CORO7: variants seen among roughly 807,000 people sequenced by gnomAD.
The protein encoded by CORO7 is coronin-7.
In CORO7, 107 loss-of-function variants were observed where a neutral mutation model predicts 126.6. The ratio of observed to expected loss-of-function variants is 0.85; its 90% CI spans 0.72 to 0.99. The LOEUF is 0.99. CORO7 is among the 50% of genes least tolerant of loss of function. The pLI is 0.00. For synonymous variants in CORO7, 603 were observed against 536.8 expected, an observed-to-expected ratio of 1.12 and a Z score of -1.70; for missense variants, 1,314 against 1,255.8, an observed-to-expected ratio of 1.05 and a Z score of -0.70.
intron 3 of CORO7, 125 bp downstream of exon 3, chr16:4,412,231 C>T (rs530049899): frequency 2.9e-6 from 3 of 1,024,382 alleles, no homozygotes; most frequent in South Asian, 1.4e-5. Context: ...AGAGAGTGCA[C>T]AGACAGGGCG....
intron 9 of CORO7, among the ~76,000 whole-genome samples, chr16:4,384,845 C>T (rs905705942): frequency 6.6e-6 from 1 of 152,204 alleles, no homozygotes; most frequent in Non-Finnish European, 1.5e-5. Context: ...GCCTGCCTCC[C>T]CCGGCCCGTG....
chr16:4,401,347 G>A (rs940306460), intron 6 of CORO7, among the ~76,000 whole-genome samples: 9 of 152,206 alleles, frequency 5.9e-5, no homozygotes, highest in East Asian at 1.9e-4. Context: ...TGGCAGAGGC[G>A]GGGGCCTGTC....
In CORO7 at chr16:4,381,718, G is replaced by A. The variant is rs2054978428; in HGVS notation, c.785+6268C>T. On this transcript the variant is annotated intron_variant, in intron 9 of 27. Transcript: ENST00000251166. ...CAACCTAAGCCTGCAGGCCCTGCCT[G>A]GCGACCTCTCGGGCCTCTTCCCCCG... 15 of 1,606,870 alleles carry A rather than the reference G, an allele frequency of 9.3e-6. No homozygotes were observed. Among genetic ancestry groups the A allele is most frequent in the Non-Finnish European group, 1.2e-5 (14 of 1,179,426 alleles).
intron 9 of CORO7, among the ~76,000 whole-genome samples, chr16:4,380,163 G>GC (rs932838011): frequency 1.8e-4 from 27 of 151,960 alleles, no homozygotes; most frequent in Non-Finnish European, 2.9e-4. Flanking sequence ...GAGCCCTGTG[G>GC]CCCCCCAGCT....
chr16:4,379,244 C>T (rs769436733), intron 9 of CORO7, among the ~76,000 whole-genome samples: 21 of 152,036 alleles, frequency 1.4e-4, no homozygotes, highest in Non-Finnish European at 2.9e-5. Context: ...GAGCTGCAGG[C>T]GCCACTGGGC....
intron 9 of CORO7, among the ~76,000 whole-genome samples, chr16:4,380,648 C>G (rs1474199381): frequency 6.6e-6 from 1 of 152,142 alleles, no homozygotes; most frequent in East Asian, 1.9e-4. Flanking sequence ...GGATGTCATG[C>G]CCCATGATGA....
At chr16:4,382,462 G>A (rs1043106680) in intron 9 of CORO7, 20 of 1,607,718 alleles carry the variant, frequency 1.2e-5, no homozygotes, top group East Asian at 2.2e-5. Context: ...GCGGCCCAAC[G>A]CCACTTACTC....
intron 1 of CORO7, 76 bp from the exon 2 acceptor site, chr16:4,413,480 G>T: frequency 1.5e-6 from 2 of 1,365,342 alleles, no homozygotes; most frequent in South Asian, 1.3e-5. Context: ...CAAGAGGTGG[G>T]GCATAATCTG....
intron 9 of CORO7, among the ~76,000 whole-genome samples, chr16:4,376,842 A>G (rs1251537648): frequency 6.6e-6 from 1 of 152,154 alleles, no homozygotes; most frequent in Non-Finnish European, 1.5e-5. Flanking sequence ...CCCAGGGTGA[A>G]GGGCAGCCTT....
intron 6 of CORO7, among the ~76,000 whole-genome samples, chr16:4,398,608 G>A (rs2141292417): frequency 6.6e-6 from 1 of 151,460 alleles, no homozygotes; most frequent in South Asian, 2.1e-4. Context: ...GGAGGTTGCA[G>A]TGAACCGAGA....
At chr16:4,360,127 C>T in intron 21 of CORO7, 151 bp downstream of exon 21, 1 of 909,328 alleles carries the variant, frequency 1.1e-6, no homozygotes, top group South Asian at 1.6e-5. Context: ...ATCCACCCAT[C>T]TACCCACTCA....
chr16:4,388,020 C>A lies in CORO7; in HGVS notation c.751G>T (p.Ala251Ser). ...KLWDTRFFSS[A>S]LASLTLDTSL... The stretch of plus-strand genomic sequence containing the variant: ...GTGTCCAAGGTGAGGGAGGCCAGGG[C>A]GCTGGAGAAGAACCGCGTGTCCCAC... The change falls in exon 9 of 28, where the codon GCC becomes TCC. Residue 251 changes from alanine (A) to serine (S), a missense_variant. Coordinates refer to ENST00000251166, the MANE Select transcript of CORO7 (RefSeq NM_024535.5). The A allele has an allele frequency of 2.5e-6, 4 of 1,613,168 alleles. No homozygotes were observed. The South Asian group carries it at 3.3e-5, about 13-fold the overall frequency.
At chr16:4,369,822 T>G (rs1424300799) in intron 9 of CORO7, among the ~76,000 whole-genome samples, 3 of 151,928 alleles carry the variant, frequency 2.0e-5, no homozygotes, top group African/African-American at 7.2e-5. Flanking sequence ...GCTGGAGAGT[T>G]AGTTAGGATC....
rs2055549233 is a variant in CORO7 at position 4,395,447 on chromosome 16, C to T, written c.565-108G>A. The T allele has an allele frequency of 2.1e-6, 3 of 1,455,052 alleles. No homozygotes were observed. The East Asian group carries it at 7.0e-5, about 34-fold the overall frequency. The allele number at this position is 1,455,052 out of a possible 1,614,324, so 90.1% of individuals were successfully genotyped here. ...CCCCCAGCTCTGAGCAGCCCATCCC[C>T]AGCACGCAGGGCTGCCATCACACAC... is the stretch of plus-strand genomic sequence containing the variant. On this transcript the variant is annotated intron_variant, in intron 6 of 27. Coordinates refer to ENST00000251166, the MANE Select transcript of CORO7 (RefSeq NM_024535.5).
chr16:4,406,691 A>C (rs897306696), intron 5 of CORO7, among the ~76,000 whole-genome samples: 1 of 151,706 alleles, frequency 6.6e-6, no homozygotes, highest in African/African-American at 2.4e-5. Flanking sequence ...CAATGGCACG[A>C]TCTCTCTTCG....
At chr16:4,356,675 C>T (rs544081309) in intron 26 of CORO7, 41 of 166,766 alleles carry the variant, frequency 2.5e-4, no homozygotes, top group Middle Eastern at 6.1e-3. Flanking sequence ...TCAAGCAATC[C>T]GCCTGCCTTG....
chr16:4,359,218 T>C, intron 23 of CORO7, 78 bp downstream of exon 23: 2 of 1,463,602 alleles, frequency 1.4e-6, no homozygotes, highest in South Asian at 1.4e-5. Context: ...CACAGGCTCC[T>C]GTACTTGCCC....
intron 9 of CORO7, among the ~76,000 whole-genome samples, chr16:4,367,280 A>AC (rs1234616109): frequency 1.3e-5 from 2 of 152,112 alleles, no homozygotes; most frequent in African/African-American, 4.8e-5. Context: ...AGGGTAGGGG[A>AC]CCAAGGTGGT....
intron 9 of CORO7, among the ~76,000 whole-genome samples, chr16:4,368,564 A>G (rs1025351515): frequency 2.6e-5 from 4 of 151,962 alleles, no homozygotes; most frequent in African/African-American, 9.7e-5. Flanking sequence ...CCTGGCCAAC[A>G]TGGTGAAAAC....
Sources: allele counts gnomAD v4.1 joint callset (sites outside exome capture counted in the v4.1 genomes callset), GRCh38; gene constraint gnomAD v4.1.1; transcripts MANE v1.5; gene names NCBI Gene and HGNC (gene_info 2026-07-23, HGNC 2026-07-21).